The following CALN1 variants were observed in gnomAD, a reference collection of about 807,000 sequenced individuals.
CALN1 encodes calneuron 1.
In CALN1, 17 loss-of-function variants were observed where a neutral mutation model predicts 30.6. The observed-to-expected ratio is 0.56, with a 90% CI of 0.38 to 0.83. The LOEUF is 0.83. Ranked by LOEUF, CALN1 falls within the 40% of genes least tolerant of loss-of-function variation. The pLI, the probability that CALN1 is intolerant of heterozygous loss-of-function variation, is 0.00. For synonymous variants in CALN1, 156 were observed against 131.4 expected (o/e 1.19, Z -1.28); for missense variants, 291 against 354.9 (o/e 0.82, Z 1.45).
intron 4 of CALN1, among the ~76,000 whole-genome samples, chr7:72,054,393 A>C (rs1182298571): frequency 1.7e-5 from 1 of 59,342 alleles, no homozygotes; most frequent in African/African-American, 1.0e-4. Context: ...TGTTGGCTGC[A>C]TATATGTACA....
chr7:71,914,045 C>T lies in CALN1; in HGVS notation c.502-103553G>A, dbSNP rs1046771144. On this transcript the variant is annotated intron_variant, in intron 5 of 6. Coordinates refer to ENST00000395275, the MANE Select transcript of CALN1 (RefSeq NM_031468.4). ...TTCTTTCACACCATTTCTCCAAAAGCAAAGGTTTTGTTTTTTAACTTTTAA... is the reference window on the plus strand; with the variant it reads ...TTCTTTCACACCATTTCTCCAAAAGTAAAGGTTTTGTTTTTTAACTTTTAA... Among the ~76,000 whole-genome samples, 55 of 152,254 alleles carry T rather than the reference C, an allele frequency of 3.6e-4. 1 individual carries two copies. Among genetic ancestry groups the T allele is most frequent in the South Asian group, 2.1e-4 (1 of 4,818 alleles).
At chr7:72,260,021 C>G (rs1562806432) in intron 3 of CALN1, among the ~76,000 whole-genome samples, 1 of 152,196 alleles carries the variant, frequency 6.6e-6, no homozygotes, top group Non-Finnish European at 1.5e-5. Context: ...AGCTTGAAGC[C>G]TTGGATTTGA....
At chr7:72,275,589 G>A (rs1273383412) in intron 3 of CALN1, among the ~76,000 whole-genome samples, 5 of 152,126 alleles carry the variant, frequency 3.3e-5, no homozygotes, top group African/African-American at 9.7e-5. Flanking sequence ...CCCAGGCTGA[G>A]AGCCTGGATT....
At chr7:71,832,794 A>G (rs1182868438) in intron 5 of CALN1, among the ~76,000 whole-genome samples, 1 of 150,908 alleles carries the variant, frequency 6.6e-6, no homozygotes, top group Non-Finnish European at 1.5e-5. Flanking sequence ...TTGGTAAAGA[A>G]GGGGTTTCGC....
At chr7:71,807,204 T>A (rs537935552) in intron 6 of CALN1, among the ~76,000 whole-genome samples, 1 of 152,188 alleles carries the variant, frequency 6.6e-6, no homozygotes, top group Admixed American at 6.5e-5. Context: ...AGGTTCAAAA[T>A]GCCAACGGGC....
chr7:71,922,634 T>C (rs1795014289), intron 5 of CALN1, among the ~76,000 whole-genome samples: 1 of 136,790 alleles, frequency 7.3e-6, no homozygotes, highest in African/African-American at 2.8e-5. Context: ...TATATAAATA[T>C]ATAACAGAAT....
chr7:72,185,868 G>A (rs1404588611), intron 3 of CALN1, among the ~76,000 whole-genome samples: 6 of 152,164 alleles, frequency 3.9e-5, no homozygotes, highest in Non-Finnish European at 7.3e-5. Context: ...CCATGATTGC[G>A]AGGCTTTCAC....
At chr7:72,081,810 G>C (rs1008302656) in intron 4 of CALN1, among the ~76,000 whole-genome samples, 25 of 152,108 alleles carry the variant, frequency 1.6e-4, no homozygotes, top group African/African-American at 6.0e-4. Context: ...TCCTACCCCA[G>C]ATACCTCTGC....
intron 2 of CALN1, among the ~76,000 whole-genome samples, chr7:72,348,871 A>G (rs1232668930): frequency 6.6e-6 from 1 of 152,214 alleles, no homozygotes; most frequent in East Asian, 1.9e-4. Context: ...CAAAATTCAG[A>G]AACTCAACAA....
intron 4 of CALN1, chr7:72,103,362 GTA>G (rs1166896299): frequency 1.8e-5 from 3 of 163,046 alleles, no homozygotes; most frequent in Non-Finnish European, 2.7e-5. Flanking sequence ...CAGGTGTGAG[GTA>G]CAGCAGAGAG....
chr7:72,287,748 GTTAATTT>G (rs754326648), intron 2 of CALN1, among the ~76,000 whole-genome samples: 4 of 151,972 alleles, frequency 2.6e-5, no homozygotes, highest in Admixed American at 6.6e-5. Flanking sequence ...GCCCAGCCTA[GTTAATTT>G]TTAACTGCTC....
intron 3 of CALN1, among the ~76,000 whole-genome samples, chr7:72,176,220 T>C (rs1043458968): frequency 2.0e-5 from 3 of 151,980 alleles, no homozygotes; most frequent in Non-Finnish European, 2.9e-5. Context: ...TCGTGTTTCC[T>C]TCCTCTTTCT....
chr7:72,118,009 C>G (rs190661348), intron 3 of CALN1, among the ~76,000 whole-genome samples: 1 of 150,612 alleles, frequency 6.6e-6, no homozygotes, highest in East Asian at 2.0e-4. Context: ...TGGGAACAGA[C>G]AGCAGGCAGT....
intron 4 of CALN1, among the ~76,000 whole-genome samples, chr7:72,074,291 A>G (rs927109151): frequency 6.6e-6 from 1 of 152,200 alleles, no homozygotes; most frequent in African/African-American, 2.4e-5. Flanking sequence ...GAGAGAAGAC[A>G]CAGTCTGATA....
intron 3 of CALN1, among the ~76,000 whole-genome samples, chr7:72,243,358 C>T (rs1284440488): frequency 6.6e-6 from 1 of 152,202 alleles, no homozygotes; most frequent in African/African-American, 2.4e-5. Context: ...TTATTTAAGC[C>T]ACCCAACTGA....
chr7:71,899,705 A>G (rs1793744429), intron 5 of CALN1, among the ~76,000 whole-genome samples: 1 of 152,172 alleles, frequency 6.6e-6, no homozygotes, highest in African/African-American at 2.4e-5. Flanking sequence ...ATAATGTGAG[A>G]GGGCCAGGTC....
At chr7:72,502,641 C>T in the CALN1 span, among the ~76,000 whole-genome samples, 1 of 152,054 alleles carries the variant, frequency 6.6e-6, no homozygotes, top group Non-Finnish European at 1.5e-5. Flanking sequence ...CTATTGACTT[C>T]CTAATATGGA....
chr7:72,013,251 T>TTTTTGA (rs1800191763), intron 5 of CALN1, among the ~76,000 whole-genome samples: 1 of 141,466 alleles, frequency 7.1e-6, no homozygotes, highest in African/African-American at 2.7e-5. Context: ...TTTGAGATTT[T>TTTTTGA]TTTTTTTTTT....
At chr7:71,970,327 TAC>T (rs1211458012) in intron 5 of CALN1, among the ~76,000 whole-genome samples, 6 of 152,310 alleles carry the variant, frequency 3.9e-5, no homozygotes, top group African/African-American at 1.4e-4. Context: ...ACTTAACAGT[TAC>T]TTAATCCTGC....
Sources: allele counts gnomAD v4.1 joint callset (sites outside exome capture counted in the v4.1 genomes callset), GRCh38; gene constraint gnomAD v4.1.1; transcripts MANE v1.5; gene names NCBI Gene and HGNC (gene_info 2026-07-23, HGNC 2026-07-21).